The following PKNOX2 variants were observed in gnomAD, a reference collection of about 807,000 sequenced individuals.
PKNOX2 encodes the protein PBX/knotted 1 homeobox 2.
PKNOX2 carries 14 observed loss-of-function variants against 53.1 expected under a neutral mutation model. That is an observed-to-expected ratio of 0.26 (90% CI 0.17 to 0.41). The LOEUF (loss-of-function observed/expected upper bound fraction) is 0.41, where lower values mean the gene tolerates loss of function less well. Among genes scored for constraint, PKNOX2 ranks in the 10% least tolerant of loss-of-function variants. PKNOX2 has a pLI of 1.00. For missense variants in PKNOX2, 496 were observed against 602.8 expected, an observed-to-expected ratio of 0.82 and a Z score of 1.85; for synonymous variants, 257 against 242.8, an observed-to-expected ratio of 1.06 and a Z score of -0.54.
intron 2 of PKNOX2, among the ~76,000 whole-genome samples, chr11:125,267,058 A>G (rs541371543): frequency 6.6e-6 from 1 of 152,190 alleles, no homozygotes; most frequent in Admixed American, 6.5e-5. Context: ...TGTCCTTGCT[A>G]TCATTGTCTG....
chr11:125,403,043 G>A (rs1452658165), intron 7 of PKNOX2, among the ~76,000 whole-genome samples: 1 of 152,176 alleles, frequency 6.6e-6, no homozygotes, highest in Non-Finnish European at 1.5e-5. Flanking sequence ...ATAAAGGTGA[G>A]TGTTTCCAAT....
intron 2 of PKNOX2, among the ~76,000 whole-genome samples, chr11:125,262,914 G>A (rs907773395): frequency 2.0e-5 from 3 of 152,008 alleles, no homozygotes; most frequent in Admixed American, 2.0e-4. Flanking sequence ...GTTTCCTAGT[G>A]CTCCTTTTGT....
intron 4 of PKNOX2, among the ~76,000 whole-genome samples, chr11:125,360,044 G>T (rs1284244258): frequency 6.6e-6 from 1 of 152,102 alleles, no homozygotes; most frequent in Non-Finnish European, 1.5e-5. Flanking sequence ...TATACGGGAG[G>T]CTGAAGCAGG....
chr11:125,253,900 G>A (rs747757598), intron 2 of PKNOX2, among the ~76,000 whole-genome samples: 10 of 152,054 alleles, frequency 6.6e-5, no homozygotes, highest in East Asian at 3.9e-4. Flanking sequence ...ATAAGGGGGC[G>A]GTTGTCAGGA....
chr11:125,404,937 G>C (rs1332644101), intron 7 of PKNOX2, among the ~76,000 whole-genome samples: 1 of 152,198 alleles, frequency 6.6e-6, no homozygotes, highest in Non-Finnish European at 1.5e-5. Context: ...GCAGAAAGGA[G>C]ACATTCAGAA....
intron 4 of PKNOX2, among the ~76,000 whole-genome samples, chr11:125,357,768 T>G (rs112995558): frequency 3.2e-4 from 49 of 152,288 alleles, no homozygotes; most frequent in African/African-American, 9.9e-4. Flanking sequence ...ATGGAATGAC[T>G]CAATCTCGTA....
At chr11:125,327,849 G>A (rs1591529484) in intron 2 of PKNOX2, among the ~76,000 whole-genome samples, 1 of 152,342 alleles carries the variant, frequency 6.6e-6, no homozygotes. Flanking sequence ...CAAGTGTATT[G>A]TAGCCCTGAA....
intron 2 of PKNOX2, among the ~76,000 whole-genome samples, chr11:125,256,223 A>C (rs1412312050): frequency 6.6e-6 from 1 of 152,016 alleles, no homozygotes; most frequent in Non-Finnish European, 1.5e-5. Context: ...TGAACAGGGG[A>C]AGACCCAAGA....
At chr11:125,309,796 A>G (rs1948695032) in intron 2 of PKNOX2, among the ~76,000 whole-genome samples, 1 of 152,194 alleles carries the variant, frequency 6.6e-6, no homozygotes. Context: ...CTCTGTAAAC[A>G]CATTAACTAT....
intron 1 of PKNOX2, among the ~76,000 whole-genome samples, chr11:125,215,878 T>C (rs1316895554): frequency 6.6e-6 from 1 of 152,198 alleles, no homozygotes; most frequent in Admixed American, 6.5e-5. Flanking sequence ...GATTATATTT[T>C]CTTCAGGGCT....
intron 6 of PKNOX2, 117 bp downstream of exon 6, chr11:125,385,839 C>A: frequency 8.1e-7 from 1 of 1,238,912 alleles, no homozygotes; most frequent in Non-Finnish European, 1.1e-6. Flanking sequence ...GAGTGCCCAC[C>A]ATGAGTCATG....
intron 1 of PKNOX2, among the ~76,000 whole-genome samples, chr11:125,173,762 G>A (rs1426480543): frequency 1.3e-5 from 2 of 152,208 alleles, no homozygotes; most frequent in Non-Finnish European, 2.9e-5. Flanking sequence ...CAGCCCAGGT[G>A]TAAGCTGGAC....
intron 1 of PKNOX2, among the ~76,000 whole-genome samples, chr11:125,189,421 G>GA (rs1956676238): frequency 2.2e-5 from 1 of 44,670 alleles, no homozygotes; most frequent in Non-Finnish European, 4.0e-5. Flanking sequence ...ATATGTGTGT[G>GA]TGTGTGTGTG....
chr11:125,228,527 G>A (rs571694747), intron 1 of PKNOX2, among the ~76,000 whole-genome samples: 5 of 152,126 alleles, frequency 3.3e-5, no homozygotes, highest in South Asian at 2.1e-4. Context: ...TGGCTGTCCC[G>A]GAGTCACCTG....
intron 6 of PKNOX2, among the ~76,000 whole-genome samples, chr11:125,393,040 G>GTA (rs1565514750): frequency 4.0e-5 from 6 of 151,646 alleles, no homozygotes; most frequent in Non-Finnish European, 7.4e-5. Flanking sequence ...TGGCGGGCGT[G>GTA]GTCCCAGCTG....
At chr11:125,264,559 G>A (rs1196703245) in intron 2 of PKNOX2, among the ~76,000 whole-genome samples, 4 of 152,080 alleles carry the variant, frequency 2.6e-5, no homozygotes, top group Admixed American at 6.5e-5. Flanking sequence ...CCTGGGAGGC[G>A]TAGAGCATTC....
intron 2 of PKNOX2, among the ~76,000 whole-genome samples, chr11:125,300,627 CAGAG>C (rs1412500283): frequency 3.3e-5 from 5 of 151,720 alleles, no homozygotes; most frequent in African/African-American, 1.2e-4. Flanking sequence ...GAGACAGAAA[CAGAG>C]AGAGACAGAG....
intron 1 of PKNOX2, chr11:125,191,444 A>T (rs902772042): frequency 2.6e-5 from 4 of 152,260 alleles, no homozygotes; most frequent in Middle Eastern, 3.2e-3. Flanking sequence ...AGAGGTGCAA[A>T]CTTGTGTGGC....
At chr11:125,296,546 A>T (rs1314731463) in intron 2 of PKNOX2, among the ~76,000 whole-genome samples, 1 of 151,134 alleles carries the variant, frequency 6.6e-6, no homozygotes, top group East Asian at 1.9e-4. Context: ...TCCCTCCCTG[A>T]CTCCTGGTGC....
Sources: allele counts gnomAD v4.1 joint callset (sites outside exome capture counted in the v4.1 genomes callset), GRCh38; gene constraint gnomAD v4.1.1; transcripts MANE v1.5; gene names NCBI Gene and HGNC (gene_info 2026-07-23, HGNC 2026-07-21).